Variants in IRF2 observed in about 807,000 individuals in gnomAD.
The protein encoded by IRF2 is interferon regulatory factor 2.
A neutral mutation model predicts 40.6 loss-of-function variants in IRF2; 15 were observed. The ratio of observed to expected loss-of-function variants is 0.37; its 90% confidence interval spans 0.25 to 0.57. The LOEUF (loss-of-function observed/expected upper bound fraction) is 0.57. IRF2 is among the 20% of genes least tolerant of loss of function. The pLI, the probability that IRF2 is intolerant of heterozygous loss-of-function variation, is 0.77. For missense variants in IRF2, 317 were observed against 455.7 expected (o/e 0.70, Z 2.77); for synonymous variants, 151 against 165.5 (o/e 0.91, Z 0.67).
At chr4:184,464,449 G>A (rs1252202302) in intron 1 of IRF2, among the ~76,000 whole-genome samples, 3 of 151,316 alleles carry the variant, frequency 2.0e-5, no homozygotes, top group African/African-American at 7.3e-5. Context: ...AATAGCGACT[G>A]TATAGCATAT....
At chr4:184,436,816 G>A (rs1361053757) in intron 1 of IRF2, among the ~76,000 whole-genome samples, 1 of 152,120 alleles carries the variant, frequency 6.6e-6, no homozygotes, top group African/African-American at 2.4e-5. Context: ...GCAAGCACTG[G>A]GTATTTCACA....
At chr4:184,424,067 C>T (rs201665626) in intron 2 of IRF2, among the ~76,000 whole-genome samples, 10,125 of 149,236 alleles carry the variant, frequency 0.068, 726 homozygotes, top group East Asian at 0.21. Flanking sequence ...CACAGATACA[C>T]ACACACACAC....
intron 5 of IRF2, among the ~76,000 whole-genome samples, chr4:184,409,772 T>C (rs1392240871): frequency 2.0e-5 from 3 of 152,144 alleles, no homozygotes; most frequent in Non-Finnish European, 4.4e-5. Flanking sequence ...TGCACGCCTC[T>C]TGTCCTGGAT....
intron 6 of IRF2, among the ~76,000 whole-genome samples, chr4:184,400,969 T>C (rs1736643769): frequency 6.6e-6 from 1 of 152,232 alleles, no homozygotes. Flanking sequence ...CCTGTATCTG[T>C]TATTTTAACA....
intron 7 of IRF2, among the ~76,000 whole-genome samples, chr4:184,395,412 CAAAAAAAAA>C (rs34566726): frequency 1.5e-5 from 1 of 67,098 alleles, no homozygotes; most frequent in Non-Finnish European, 2.6e-5. Context: ...GACTCCGTCT[CAAAAAAAAA>C]AAAAAAAAAA....
chr4:184,467,775 C>T lies in IRF2; in HGVS notation c.-7+6604G>A, dbSNP rs149382815. Among the ~76,000 whole-genome samples the T allele has an allele frequency of 5.0e-3, 754 of 152,248 alleles. 1 individual carries two copies. Among genetic ancestry groups the T allele is most frequent in the Non-Finnish European group, 7.9e-3 (536 of 68,018 alleles). ...CTCTCCTTTGATGGCATTAGGTGTG[C>T]GAGTATCAAATGCCTTCAGCAGATA... On this transcript the variant is annotated intron_variant, in intron 1 of 8. Coordinates refer to ENST00000393593, the MANE Select transcript of IRF2 (RefSeq NM_002199.4).
intron 6 of IRF2, among the ~76,000 whole-genome samples, chr4:184,402,023 AT>A (rs2149894168): frequency 6.6e-6 from 1 of 152,212 alleles, no homozygotes; most frequent in East Asian, 1.9e-4. Flanking sequence ...ACTAACAGAG[AT>A]TTATGGAACA....
chr4:184,445,654 C>CAAAAAA (rs386683242), intron 1 of IRF2, among the ~76,000 whole-genome samples: 2 of 120,864 alleles, frequency 1.7e-5, no homozygotes, highest in Non-Finnish European at 3.3e-5. Context: ...GACTCCATCA[C>CAAAAAA]AAAAAAAAAA....
chr4:184,429,153 T>G, intron 1 of IRF2, 83 bp from the exon 2 acceptor site: 1 of 935,240 alleles, frequency 1.1e-6, no homozygotes, highest in Non-Finnish European at 1.7e-6. Context: ...CCCGCCTGAC[T>G]CTTTCCTTCT....
At chr4:184,430,769 C>T (rs1192229978) in intron 1 of IRF2, among the ~76,000 whole-genome samples, 4 of 152,176 alleles carry the variant, frequency 2.6e-5, no homozygotes, top group Non-Finnish European at 5.9e-5. Flanking sequence ...GATCACAGCT[C>T]ACTGCAGCCT....
In IRF2 at chr4:184,438,103, T is replaced by C. The variant is rs1461594775; in HGVS notation, c.-6-9033A>G. The stretch of plus-strand genomic sequence containing the variant: ...TCCAGCCCTAACTAGAGCCTGACCC[T>C]CAGCCCAAATGCCTTTCATGCGTTA... On this transcript the variant is annotated intron_variant, in intron 1 of 8. Transcript: ENST00000393593. 5.3e-5 allele frequency among the ~76,000 whole-genome samples: 8 copies of C among 152,160 alleles called. No individual in the cohort carries two copies. In the East Asian group the frequency reaches 1.5e-3, roughly 29 times the overall value.
In IRF2 at chr4:184,428,985, A is replaced by G; in HGVS notation, c.80T>C (p.Leu27Pro). ...CCACCCTGACCCACTCACCTTGTTA[A>G]GCCACTTGAGCCCCGGGATCGTGTT... ...NSNTIPGLKWLNKEKKIFQIP... is the reference protein window; with the variant it reads ...NSNTIPGLKWPNKEKKIFQIP... The change falls in exon 2 of 9, where the codon CTT (leucine) becomes CCT (proline). Residue 27 changes from leucine to proline, a missense_variant. By Grantham distance (98) the Leu-to-Pro change is moderately conservative. This residue lies in a region of IRF2 where 55 missense variants were observed against 121.7 expected (regional missense o/e 0.45). Transcript: ENST00000393593. 1 of 1,614,058 alleles carries G rather than the reference A, an allele frequency of 6.2e-7. No homozygotes were observed. Among genetic ancestry groups the G allele is most frequent in the Non-Finnish European group, 8.5e-7 (1 of 1,179,902 alleles).
At chr4:184,391,555 C>G (rs1490732525) in intron 7 of IRF2, among the ~76,000 whole-genome samples, 1 of 152,194 alleles carries the variant, frequency 6.6e-6, no homozygotes, top group East Asian at 1.9e-4. Context: ...CAACAACCTG[C>G]AAGAAACTTA....
Position 184,429,089 on chromosome 4 carries a change from A to G in IRF2, c.-6-19T>C, listed in dbSNP as rs1206442923. 1.9e-6 allele frequency: 3 copies of G among 1,603,080 alleles called. No homozygotes were observed. Among genetic ancestry groups the G allele is most frequent in the Non-Finnish European group, 2.6e-6 (3 of 1,170,798 alleles). ...TGGTGCCCTTGAGGGAGAGAAACAC[A>G]GCGTCAGGCGTTGGTGCCACTCAGT... On this transcript the variant is annotated intron_variant, in intron 1 of 8. Coordinates refer to ENST00000393593, the MANE Select transcript of IRF2 (RefSeq NM_002199.4).
intron 2 of IRF2, among the ~76,000 whole-genome samples, chr4:184,424,330 A>G (rs1054052582): frequency 1.3e-5 from 2 of 152,178 alleles, no homozygotes; most frequent in Non-Finnish European, 2.9e-5. Flanking sequence ...CAAACTTATT[A>G]AAAGTAGGTG....
At chr4:184,390,679 T>C in intron 8 of IRF2, 24 bp downstream of exon 8, 2 of 1,613,748 alleles carry the variant, frequency 1.2e-6, no homozygotes, top group Non-Finnish European at 1.7e-6. Flanking sequence ...GGCAGCATCG[T>C]GGGCAGGCTG....
intron 2 of IRF2, among the ~76,000 whole-genome samples, chr4:184,427,697 G>T (rs1737720578): frequency 6.6e-6 from 1 of 151,938 alleles, no homozygotes. Flanking sequence ...ATAGTAAAAA[G>T]AAATAAGATT....
At chr4:184,405,228 A>T (rs1736812010) in intron 6 of IRF2, among the ~76,000 whole-genome samples, 1 of 152,208 alleles carries the variant, frequency 6.6e-6, no homozygotes, top group Admixed American at 6.5e-5. Context: ...TGGGCAACAG[A>T]GTGAAACTCG....
At chr4:184,436,370 G>A (rs560037354) in intron 1 of IRF2, among the ~76,000 whole-genome samples, 2 of 152,190 alleles carry the variant, frequency 1.3e-5, no homozygotes, top group South Asian at 4.1e-4. Context: ...GTGCTGTGGG[G>A]GATTCAAAGA....
Sources: allele counts gnomAD v4.1 joint callset (sites outside exome capture counted in the v4.1 genomes callset), GRCh38; gene constraint gnomAD v4.1.1; regional missense constraint gnomAD v4.1.1; transcripts MANE v1.5; gene names NCBI Gene and HGNC (gene_info 2026-07-23, HGNC 2026-07-21).